The following NAALADL2 variants were observed in gnomAD, a reference collection of about 807,000 sequenced individuals.
NAALADL2 encodes inactive N-acetylated-alpha-linked acidic dipeptidase-like protein 2.
A neutral mutation model predicts 87.2 loss-of-function variants in NAALADL2; 76 were observed. The observed-to-expected ratio is 0.87, with a 90% confidence interval of 0.72 to 1.05. NAALADL2 has a LOEUF of 1.05. Among genes scored for constraint, NAALADL2 ranks in the 50% least tolerant of loss-of-function variants. The pLI is 0.00. For missense variants in NAALADL2, 1,089 were observed against 945.8 expected, an observed-to-expected ratio of 1.15 and a Z score of -1.99; for synonymous variants, 354 against 331.0, an observed-to-expected ratio of 1.07 and a Z score of -0.75.
rs541265128 is a variant in NAALADL2, at chr3:175,279,092, A to G, written c.939+22562A>G. Reference sequence around the variant, plus strand: ...AAGCATGTGCAAATCTACCAGAGCAATTAGAGCTGTATTTTGTTCAAAGAA... The same window carrying G: ...AAGCATGTGCAAATCTACCAGAGCAGTTAGAGCTGTATTTTGTTCAAAGAA... On this transcript the variant is annotated intron_variant, in intron 4 of 13. Transcript: ENST00000454872. Among the ~76,000 whole-genome samples, 7 of 152,260 alleles carry G rather than the reference A, an allele frequency of 4.6e-5. No individual in the cohort carries two copies. In the South Asian group the frequency reaches 6.2e-4, roughly 14 times the overall value.
At chr3:175,229,421 A>T (rs186646429) in intron 2 of NAALADL2, among the ~76,000 whole-genome samples, 4 of 152,162 alleles carry the variant, frequency 2.6e-5, no homozygotes, top group African/African-American at 9.6e-5. Context: ...ACATATTTTT[A>T]TGTTAACATT....
At chr3:175,523,460 A>G (rs1732944589) in intron 9 of NAALADL2, among the ~76,000 whole-genome samples, 1 of 152,230 alleles carries the variant, frequency 6.6e-6, no homozygotes, top group Non-Finnish European at 1.5e-5. Flanking sequence ...AGATAATCCA[A>G]TATTCTGCAC....
chr3:174,469,130 G>T (rs984959821), intron 1 of NAALADL2, among the ~76,000 whole-genome samples: 2 of 152,138 alleles, frequency 1.3e-5, no homozygotes, highest in African/African-American at 4.8e-5. Flanking sequence ...ACAGGATAAA[G>T]GTTCTTTGTT....
At chr3:175,174,366 A>C (rs1309315913) in intron 2 of NAALADL2, among the ~76,000 whole-genome samples, 1 of 152,126 alleles carries the variant, frequency 6.6e-6, no homozygotes, top group South Asian at 2.1e-4. Context: ...GGGCATTAGC[A>C]CATCTTGATA....
chr3:174,638,029 A>C (rs1215854758), intron 2 of NAALADL2, among the ~76,000 whole-genome samples: 2 of 152,188 alleles, frequency 1.3e-5, no homozygotes, highest in Non-Finnish European at 2.9e-5. Context: ...ATGCACCAAT[A>C]GTAGCATTTT....
At chr3:175,464,513 A>T (rs1484216790) in intron 7 of NAALADL2, among the ~76,000 whole-genome samples, 1 of 152,204 alleles carries the variant, frequency 6.6e-6, no homozygotes, top group African/African-American at 2.4e-5. Flanking sequence ...CGTAAGGCTG[A>T]ATCACATATT....
At chr3:175,669,723 A>G (rs1407821141) in intron 11 of NAALADL2, among the ~76,000 whole-genome samples, 1 of 152,014 alleles carries the variant, frequency 6.6e-6, no homozygotes, top group Non-Finnish European at 1.5e-5. Flanking sequence ...TTCTTAAATT[A>G]AGGCAATATA....
chr3:174,629,324 G>C (rs1487109526), intron 2 of NAALADL2, among the ~76,000 whole-genome samples: 1 of 152,158 alleles, frequency 6.6e-6, no homozygotes, highest in Non-Finnish European at 1.5e-5. Context: ...GTCTGAACAA[G>C]TGCCTAAAAG....
intron 2 of NAALADL2, among the ~76,000 whole-genome samples, chr3:175,140,904 A>G (rs936439607): frequency 6.6e-6 from 1 of 152,102 alleles, no homozygotes; most frequent in African/African-American, 2.4e-5. Context: ...TTGGCAGTAA[A>G]TCACTTAAGA....
chr3:174,664,206 G>T (rs1055896204), intron 2 of NAALADL2, among the ~76,000 whole-genome samples: 2 of 152,174 alleles, frequency 1.3e-5, no homozygotes, highest in Non-Finnish European at 2.9e-5. Context: ...GTAATTAAAT[G>T]AAAATACCTG....
Position 174,759,360 on chromosome 3 carries a change from C to A in NAALADL2, c.-9+21614C>A, listed in dbSNP as rs1473976371. Among the ~76,000 whole-genome samples the A allele has an allele frequency of 2.0e-5, 3 of 152,164 alleles. No homozygotes were observed. The East Asian group carries it at 5.8e-4, about 29-fold the overall frequency. On this transcript the variant is annotated intron_variant, in intron 3 of 3. Transcript: ENST00000434257. Reference sequence around the variant, plus strand: ...ATACAAATTTGTTTGCCTGTGCAAACTCTTCCCTTGCTTTTTAAAAGACAA... The same window carrying A: ...ATACAAATTTGTTTGCCTGTGCAAAATCTTCCCTTGCTTTTTAAAAGACAA...
chr3:175,668,939 A>T (rs1423154325), intron 11 of NAALADL2, among the ~76,000 whole-genome samples: 2 of 152,154 alleles, frequency 1.3e-5, no homozygotes, highest in Non-Finnish European at 2.9e-5. Flanking sequence ...TGTGCAAGGC[A>T]CTGTATCATG....
chr3:175,071,513 C>T (rs1057432582), intron 1 of NAALADL2, among the ~76,000 whole-genome samples: 1 of 151,860 alleles, frequency 6.6e-6, no homozygotes, highest in Non-Finnish European at 1.5e-5. Flanking sequence ...CCTTACATAC[C>T]TCTGGGAGAG....
At chr3:175,784,145 G>T (rs1421131916) in intron 13 of NAALADL2, among the ~76,000 whole-genome samples, 1 of 149,522 alleles carries the variant, frequency 6.7e-6, no homozygotes, top group Non-Finnish European at 1.5e-5. Context: ...GTTCATCAAG[G>T]ATATTGGTCT....
intron 11 of NAALADL2, among the ~76,000 whole-genome samples, chr3:175,642,930 C>A (rs1245017199): frequency 6.6e-6 from 1 of 151,992 alleles, no homozygotes; most frequent in Non-Finnish European, 1.5e-5. Context: ...GCAGGAGTGA[C>A]AATATGGGAT....
intron 1 of NAALADL2, among the ~76,000 whole-genome samples, chr3:175,092,054 AATT>A (rs1720237055): frequency 2.0e-5 from 3 of 151,998 alleles, no homozygotes; most frequent in South Asian, 4.1e-4. Context: ...GAATGACTGC[AATT>A]ATTATTATTA....
intron 13 of NAALADL2, among the ~76,000 whole-genome samples, chr3:175,787,044 C>A (rs1240556585): frequency 6.6e-6 from 1 of 151,914 alleles, no homozygotes; most frequent in Non-Finnish European, 1.5e-5. Flanking sequence ...GGTCAGGGAC[C>A]CACTTGAGGA....
At chr3:175,662,790 C>T (rs1163820649) in intron 11 of NAALADL2, among the ~76,000 whole-genome samples, 1 of 151,916 alleles carries the variant, frequency 6.6e-6, no homozygotes, top group African/African-American at 2.4e-5. Context: ...TGTATTGTAT[C>T]ACATTCATTG....
At chr3:174,443,930 A>G (rs568429357) in intron 1 of NAALADL2, among the ~76,000 whole-genome samples, 3 of 150,344 alleles carry the variant, frequency 2.0e-5, no homozygotes, top group East Asian at 3.9e-4. Flanking sequence ...GGAAGTAGAC[A>G]TGAAAGCTTG....
Sources: gnomAD v4.1 joint callset for allele counts (sites outside exome capture counted in the v4.1 genomes callset) on GRCh38, gnomAD v4.1.1 for gene constraint, MANE v1.5 for transcripts, NCBI Gene and HGNC (gene_info 2026-07-23, HGNC 2026-07-21) for gene names.